The following CREB5 variants were observed in gnomAD, a reference collection of about 807,000 sequenced individuals.
CREB5 encodes the protein cyclic AMP-responsive element-binding protein 5.
Under a neutral mutation model 57.1 loss-of-function variants are expected in CREB5, and 19 were observed. The ratio of observed to expected loss-of-function variants is 0.33; its 90% CI spans 0.23 to 0.49. The LOEUF (loss-of-function observed/expected upper bound fraction) is 0.49, where lower values mean the gene tolerates loss of function less well. Ranked by LOEUF, CREB5 falls within the 20% of genes least tolerant of loss-of-function variation. CREB5 has a pLI of 0.99. For synonymous variants in CREB5, 238 were observed against 238.3 expected (o/e 1.00, Z 0.01); for missense variants, 579 against 671.6 (o/e 0.86, Z 1.52).
At chr7:28,746,689 T>C (rs1296521678) in intron 7 of CREB5, among the ~76,000 whole-genome samples, 1 of 152,240 alleles carries the variant, frequency 6.6e-6, no homozygotes, top group African/African-American at 2.4e-5. Context: ...ATGGTCCCTC[T>C]CTTATCCATT....
chr7:28,695,583 C>T (rs1345289563), intron 5 of CREB5, among the ~76,000 whole-genome samples: 1 of 152,200 alleles, frequency 6.6e-6, no homozygotes, highest in Non-Finnish European at 1.5e-5. Flanking sequence ...ATCAGCCCCA[C>T]TGGGGTCTAG....
intron 1 of CREB5, among the ~76,000 whole-genome samples, chr7:28,357,355 C>A (rs1345995429): frequency 6.6e-6 from 1 of 152,158 alleles, no homozygotes; most frequent in African/African-American, 2.4e-5. Flanking sequence ...TCTTTTCTTG[C>A]AAGCAGACGT....
chr7:28,558,053 T>C (rs569115268), intron 4 of CREB5, among the ~76,000 whole-genome samples: 1 of 152,330 alleles, frequency 6.6e-6, no homozygotes, highest in East Asian at 1.9e-4. Flanking sequence ...TCATGCCCAG[T>C]TGTGGCCAGT....
intron 7 of CREB5, among the ~76,000 whole-genome samples, chr7:28,783,033 C>T (rs1268056368): frequency 6.6e-6 from 1 of 152,130 alleles, no homozygotes; most frequent in Non-Finnish European, 1.5e-5. Context: ...TGAGAAAAAC[C>T]TTTGCTTCCA....
chr7:28,312,135 T>A (rs944845338), intron 1 of CREB5, among the ~76,000 whole-genome samples: 1 of 152,036 alleles, frequency 6.6e-6, no homozygotes, highest in East Asian at 1.9e-4. Flanking sequence ...TGCTCTTCCT[T>A]TGGGGTCATT....
At chr7:28,665,674 C>T (rs1415459065) in intron 5 of CREB5, among the ~76,000 whole-genome samples, 1 of 152,114 alleles carries the variant, frequency 6.6e-6, no homozygotes, top group East Asian at 1.9e-4. Context: ...ATGGCTTGAA[C>T]TGATAATTCT....
intron 5 of CREB5, among the ~76,000 whole-genome samples, chr7:28,607,960 C>T (rs190364999): frequency 4.6e-5 from 7 of 152,136 alleles, no homozygotes; most frequent in South Asian, 4.2e-4. Flanking sequence ...CACTGAACAG[C>T]GCCGTACATG....
At chr7:28,751,127 C>T (rs1324487824) in intron 7 of CREB5, among the ~76,000 whole-genome samples, 1 of 148,648 alleles carries the variant, frequency 6.7e-6, no homozygotes, top group Non-Finnish European at 1.5e-5. Flanking sequence ...AACCAACAAA[C>T]GAAGCCACTT....
intron 1 of CREB5, among the ~76,000 whole-genome samples, chr7:28,445,530 G>A (rs926272880): frequency 1.4e-4 from 21 of 151,734 alleles, no homozygotes; most frequent in African/African-American, 3.4e-4. Flanking sequence ...AGTGGGTCCC[G>A]GGAGCCAATA....
At chr7:28,572,678 G>T (rs1167351455) in intron 5 of CREB5, among the ~76,000 whole-genome samples, 3 of 152,076 alleles carry the variant, frequency 2.0e-5, no homozygotes, top group Admixed American at 2.0e-4. Flanking sequence ...CACAAAGCTG[G>T]TCTTTATGAA....
rs1554344374 is a variant in CREB5 at position 28,560,881 on chromosome 7, T to TGGGTGTGC, written c.292-9483_292-9482insGGTGTGCG. On this transcript the variant is annotated intron_variant, in intron 4 of 10. Transcript: ENST00000357727. ...GTGCGTGTGCCTGCGTGCGCGTGCG[T>TGGGTGTGC]GCGTGCGTGTGTGTGCGTGCGCGCG... Among the ~76,000 whole-genome samples the TGGGTGTGC allele has an allele frequency of 4.3e-5, 2 of 46,206 alleles. 1 individual carries two copies. Among genetic ancestry groups the TGGGTGTGC allele is most frequent in the South Asian group, 2.1e-3 (2 of 968 alleles). The allele number at this position is 46,206 out of a possible 152,430, so 30.3% of individuals were successfully genotyped here.
intron 1 of CREB5, among the ~76,000 whole-genome samples, chr7:28,456,303 G>A (rs1287060670): frequency 6.6e-6 from 1 of 152,180 alleles, no homozygotes; most frequent in East Asian, 1.9e-4. Context: ...GTGGCTTTGA[G>A]ATTATCGAAT....
At chr7:28,504,847 A>T (rs1026719694) in intron 3 of CREB5, among the ~76,000 whole-genome samples, 1 of 151,560 alleles carries the variant, frequency 6.6e-6, no homozygotes, top group African/African-American at 2.4e-5. Flanking sequence ...AAAGGAGTTT[A>T]AAAAAACCTC....
At chr7:28,638,312 G>A (rs911706165) in intron 5 of CREB5, among the ~76,000 whole-genome samples, 7 of 134,238 alleles carry the variant, frequency 5.2e-5, no homozygotes, top group Admixed American at 1.5e-4. Context: ...CACACACACA[G>A]TGAGGGCTGG....
chr7:28,457,846 G>A (rs1452206402), intron 1 of CREB5, among the ~76,000 whole-genome samples: 2 of 152,168 alleles, frequency 1.3e-5, no homozygotes, highest in Non-Finnish European at 2.9e-5. Context: ...AGCCTATGGC[G>A]GTAGCTGGTC....
chr7:28,667,738 A>C (rs4610630), intron 5 of CREB5, among the ~76,000 whole-genome samples: 55,286 of 151,778 alleles, frequency 0.36, 10,989 homozygotes, highest in African/African-American at 0.52. Context: ...TTTGAAGCCG[A>C]ATCCAGCCTG....
intron 1 of CREB5, among the ~76,000 whole-genome samples, chr7:28,446,751 C>A (rs1438002520): frequency 2.0e-5 from 3 of 152,150 alleles, no homozygotes; most frequent in Non-Finnish European, 4.4e-5. Context: ...GAGATCACGC[C>A]ACTGCACTCC....
intron 5 of CREB5, among the ~76,000 whole-genome samples, chr7:28,587,099 A>T (rs143625369): frequency 1.8e-3 from 271 of 152,352 alleles, no homozygotes; most frequent in African/African-American, 6.0e-3. Flanking sequence ...TGGGATTCTA[A>T]ATCATTCATG....
At position 28,312,847 on chromosome 7, in the gene CREB5, G is replaced by A. The variant is rs186766972; in HGVS notation, c.-25+13406G>A. On this transcript the variant is annotated intron_variant, in intron 1 of 9. Coordinates refer to the CREB5 transcript ENST00000396299. Reference sequence around the variant, plus strand: ...TTCTCTTTCCATAACTCATAGTGTTGCCAGTGGTCAAGCCTGAGTGTTGGT... The same window carrying A: ...TTCTCTTTCCATAACTCATAGTGTTACCAGTGGTCAAGCCTGAGTGTTGGT... Among the ~76,000 whole-genome samples, 34 of 152,274 alleles carry A rather than the reference G, an allele frequency of 2.2e-4. No individual in the cohort carries two copies. In the East Asian group the frequency reaches 6.4e-3, roughly 28 times the overall value.
Sources: gnomAD v4.1 joint callset for allele counts (sites outside exome capture counted in the v4.1 genomes callset) on GRCh38, gnomAD v4.1.1 for gene constraint, MANE v1.5 for transcripts, NCBI Gene and HGNC (gene_info 2026-07-23, HGNC 2026-07-21) for gene names.